Variants in DHRSX observed in about 807,000 individuals in gnomAD.
The protein encoded by DHRSX is dehydrogenase/reductase X-linked.
DHRSX carries 31 observed loss-of-function variants against 34.0 expected under a neutral mutation model. The ratio of observed to expected loss-of-function variants is 0.91; its 90% CI spans 0.69 to 1.23. The LOEUF is 1.23. DHRSX is among the 50% of genes most tolerant of loss of function. DHRSX has a pLI of 0.00. For synonymous variants in DHRSX, 201 were observed against 183.8 expected, an observed-to-expected ratio of 1.09 and a Z score of -0.76; for missense variants, 414 against 428.1, an observed-to-expected ratio of 0.97 and a Z score of 0.29.
intron 4 of DHRSX, among the ~76,000 whole-genome samples, chrX:2,284,932 T>C (rs974058915): frequency 8.5e-5 from 13 of 152,202 alleles, no homozygotes; most frequent in African/African-American, 2.7e-4. Context: ...GCACGAAGTG[T>C]AGCTCCTTCT....
At chrX:2,350,629 A>G (rs2042778099) in intron 3 of DHRSX, among the ~76,000 whole-genome samples, 1 of 152,150 alleles carries the variant, frequency 6.6e-6, no homozygotes, top group African/African-American at 2.4e-5. Context: ...TTGGTATATA[A>G]CATGAATCAG....
intron 1 of DHRSX, among the ~76,000 whole-genome samples, chrX:2,427,075 C>T (rs1406568686): frequency 6.6e-6 from 1 of 152,198 alleles, no homozygotes; most frequent in Non-Finnish European, 1.5e-5. Context: ...CCAGATCTCA[C>T]ATCTTCCAGT....
intron 3 of DHRSX, among the ~76,000 whole-genome samples, chrX:2,405,115 AG>A (rs1312650067): frequency 6.6e-6 from 1 of 151,028 alleles, no homozygotes; most frequent in African/African-American, 2.5e-5. Context: ...ACAGCAGCTT[AG>A]GGTAGAAAGG....
intron 1 of DHRSX, among the ~76,000 whole-genome samples, chrX:2,495,827 T>C (rs2045270896): frequency 6.6e-6 from 1 of 152,030 alleles, no homozygotes; most frequent in African/African-American, 2.4e-5. Flanking sequence ...GGCCGGCGAT[T>C]TCACGTTTCC....
chrX:2,298,512 G>T (rs1179094030), intron 3 of DHRSX, among the ~76,000 whole-genome samples: 1 of 151,166 alleles, frequency 6.6e-6, no homozygotes, highest in African/African-American at 2.5e-5. Flanking sequence ...CAGCCAGGTT[G>T]CTTGGCAAGA....
chrX:2,399,756 G>T (rs2043463935), intron 3 of DHRSX, among the ~76,000 whole-genome samples: 1 of 150,088 alleles, frequency 6.7e-6, no homozygotes, highest in African/African-American at 2.5e-5. Flanking sequence ...AAAAACACAG[G>T]GGCTGAGCTT....
chrX:2,270,761 G>C (rs1296843241), intron 4 of DHRSX, among the ~76,000 whole-genome samples: 2 of 152,196 alleles, frequency 1.3e-5, no homozygotes, highest in Non-Finnish European at 1.5e-5. Context: ...TTCCTGGGTC[G>C]AGTGGAGACC....
At chrX:2,360,560 G>A (rs1175901715) in intron 3 of DHRSX, among the ~76,000 whole-genome samples, 1 of 152,064 alleles carries the variant, frequency 6.6e-6, no homozygotes, top group Non-Finnish European at 1.5e-5. Context: ...TCCAGCCTGG[G>A]CAACAGAGTG....
At position 2,289,982 on chromosome X, in the gene DHRSX, T is replaced by C. The variant is rs751981295; in HGVS notation, c.388+1520A>G. ...ATGGAAATGGTGTTGTCTGTAGCTA[T>C]TTGAGTGGCACTCACACATCATAGC... On this transcript the variant is annotated intron_variant, in intron 4 of 6. Coordinates refer to ENST00000334651, the MANE Select transcript of DHRSX (RefSeq NM_145177.3). 3.9e-5 allele frequency among the ~76,000 whole-genome samples: 6 copies of C among 152,350 alleles called. No individual in the cohort carries two copies. In the East Asian group the frequency reaches 1.2e-3, roughly 29 times the overall value.
intron 3 of DHRSX, among the ~76,000 whole-genome samples, chrX:2,364,413 C>T (rs2042974571): frequency 6.6e-6 from 1 of 152,218 alleles, no homozygotes; most frequent in African/African-American, 2.4e-5. Context: ...GATGGACATA[C>T]TGCCAAGGTT....
chrX:2,464,248 G>T (rs1409852027), intron 1 of DHRSX, among the ~76,000 whole-genome samples: 1 of 150,886 alleles, frequency 6.6e-6, no homozygotes, highest in East Asian at 2.0e-4. Flanking sequence ...GTGGCCCAAG[G>T]GACCATTGCC....
intron 3 of DHRSX, among the ~76,000 whole-genome samples, chrX:2,370,590 G>GAAAAA (rs59435030): frequency 1.2e-4 from 16 of 132,680 alleles, no homozygotes; most frequent in African/African-American, 3.3e-4. Context: ...TGGTTTTACT[G>GAAAAA]AAAAAAAAAA....
intron 5 of DHRSX, among the ~76,000 whole-genome samples, chrX:2,246,282 C>A (rs2016279538): frequency 6.6e-6 from 1 of 152,098 alleles, no homozygotes; most frequent in South Asian, 2.1e-4. Flanking sequence ...GAAAAAGCTT[C>A]TGAAAATCCA....
In DHRSX at chrX:2,450,710, T is replaced by A. The variant is rs1416744565; in HGVS notation, c.110-25406A>T. On this transcript the variant is annotated intron_variant, in intron 1 of 6. Transcript: ENST00000334651. ...AAGGAGGGTTTCTGTGTCTCCTCCTTCTTGGAAAATTTATCAAATTAAAAA... is the reference window on the plus strand; with the variant it reads ...AAGGAGGGTTTCTGTGTCTCCTCCTACTTGGAAAATTTATCAAATTAAAAA... Among the ~76,000 whole-genome samples, 7 of 151,726 alleles carry A rather than the reference T, an allele frequency of 4.6e-5. No individual in the cohort carries two copies. In the East Asian group the frequency reaches 1.4e-3, roughly 29 times the overall value.
chrX:2,311,397 T>C (rs928916363), intron 3 of DHRSX, among the ~76,000 whole-genome samples: 1 of 152,126 alleles, frequency 6.6e-6, no homozygotes, highest in Non-Finnish European at 1.5e-5. Context: ...GAACTCAAGT[T>C]AAAACAATGC....
chrX:2,291,709 CT>C (rs113156917), intron 3 of DHRSX, 106 bp from the exon 4 acceptor site: 182,512 of 426,754 alleles, frequency 0.43, 20,708 homozygotes, highest in African/African-American at 0.56. Context: ...GGAAGTAACA[CT>C]TTTTTTTTTT....
intron 3 of DHRSX, among the ~76,000 whole-genome samples, chrX:2,300,641 T>C (rs1200643637): frequency 6.6e-6 from 1 of 152,210 alleles, no homozygotes; most frequent in Non-Finnish European, 1.5e-5. Flanking sequence ...GGATGCTTCC[T>C]GCCCTCAAAA....
At chrX:2,268,774 G>A (rs1393423468) in intron 4 of DHRSX, among the ~76,000 whole-genome samples, 1 of 152,088 alleles carries the variant, frequency 6.6e-6, no homozygotes, top group Non-Finnish European at 1.5e-5. Context: ...TTGTACAATC[G>A]CAAGTATTTG....
chrX:2,411,521 C>G (rs1178848402), intron 2 of DHRSX, among the ~76,000 whole-genome samples: 2 of 148,180 alleles, frequency 1.3e-5, no homozygotes, highest in African/African-American at 5.0e-5. Context: ...CACCACTGCA[C>G]TCCAGCCTGG....
Sources: allele counts gnomAD v4.1 joint callset (sites outside exome capture counted in the v4.1 genomes callset), GRCh38; gene constraint gnomAD v4.1.1; transcripts MANE v1.5; gene names NCBI Gene and HGNC (gene_info 2026-07-23, HGNC 2026-07-21).